FBXW4: variants seen among roughly 807,000 people sequenced by gnomAD.
The protein encoded by FBXW4 is F-box and WD repeat domain containing 4, also known as F-box/WD repeat-containing protein 4.
A neutral mutation model predicts 61.8 loss-of-function variants in FBXW4; 40 were observed. That is an observed-to-expected ratio of 0.65 (90% CI 0.50 to 0.84). The LOEUF is 0.84. FBXW4 is among the 40% of genes least tolerant of loss of function. The pLI, the probability that FBXW4 is intolerant of heterozygous loss-of-function variation, is 0.00. For synonymous variants in FBXW4, 311 were observed against 313.8 expected, an observed-to-expected ratio of 0.99 and a Z score of 0.10; for missense variants, 672 against 753.8, an observed-to-expected ratio of 0.89 and a Z score of 1.27.
intron 6 of FBXW4, 88 bp from the exon 7 acceptor site, chr10:101,612,565 A>C: frequency 7.5e-7 from 1 of 1,341,384 alleles, no homozygotes; most frequent in Non-Finnish European, 9.8e-7. Context: ...CCTTGGGGAA[A>C]TGTTCTCTTT....
In FBXW4 at chr10:101,634,342, T is replaced by C. The variant is rs1270170569; in HGVS notation, c.1236-9532A>G. ...ATTCCCAGATGTGAAATCCTGATTA[T>C]AAAACTGTCAGTTCTCCCCCAATTA... is the stretch of plus-strand genomic sequence containing the variant. On this transcript the variant is annotated intron_variant, in intron 5 of 8. Transcript: ENST00000331272. Among the ~76,000 whole-genome samples, 5 of 149,398 alleles carry C rather than the reference T, an allele frequency of 3.3e-5. 1 individual carries two copies. Among genetic ancestry groups the C allele is most frequent in the African/African-American group, 7.5e-5 (3 of 40,026 alleles).
At position 101,653,294 on chromosome 10, in the gene FBXW4, G is replaced by T. The variant is rs113435727; in HGVS notation, c.1235+14592C>A. 2.6e-3 allele frequency among the ~76,000 whole-genome samples: 395 copies of T among 152,278 alleles called. 1 individual carries two copies. Among genetic ancestry groups the T allele is most frequent in the Admixed American group, 5.1e-3 (78 of 15,300 alleles). On this transcript the variant is annotated intron_variant, in intron 5 of 8. Coordinates refer to ENST00000331272, the MANE Select transcript of FBXW4 (RefSeq NM_022039.4). ...GAACAGCCTGTCTCTCTCCTCCAAA[G>T]AATCCTATATGCTGTAGCACAACAT...
At chr10:101,659,787 G>A (rs1043929493) in intron 5 of FBXW4, among the ~76,000 whole-genome samples, 1 of 152,122 alleles carries the variant, frequency 6.6e-6, no homozygotes, top group African/African-American at 2.4e-5. Flanking sequence ...TAGTATGTAT[G>A]GTATGCATAC....
chr10:101,624,620 G>A (rs538666070), intron 6 of FBXW4, 125 bp downstream of exon 6: 1 of 934,504 alleles, frequency 1.1e-6, no homozygotes, highest in Admixed American at 1.8e-5. Flanking sequence ...CACAGCAGAG[G>A]CCTCCTACTA....
chr10:101,691,710 T>C (rs1564929455), intron 1 of FBXW4, among the ~76,000 whole-genome samples: 1 of 152,198 alleles, frequency 6.6e-6, no homozygotes, highest in Non-Finnish European at 1.5e-5. Context: ...TTGCCTTAGC[T>C]AGCTTGGGTT....
intron 1 of FBXW4, among the ~76,000 whole-genome samples, chr10:101,679,820 T>G (rs1564925332): frequency 6.6e-6 from 1 of 152,178 alleles, no homozygotes; most frequent in Non-Finnish European, 1.5e-5. Context: ...GTCTGGACTT[T>G]TAGTATGCCA....
At chr10:101,666,337 G>T (rs1242449643) in intron 5 of FBXW4, among the ~76,000 whole-genome samples, 1 of 152,134 alleles carries the variant, frequency 6.6e-6, no homozygotes, top group African/African-American at 2.4e-5. Context: ...ATTCTCCGGG[G>T]TCAGCAATGT....
Position 101,612,403 on chromosome 10 carries a change from G to C in FBXW4, c.1376C>G (p.Pro459Arg), listed in dbSNP as rs572819854. 1.6e-5 allele frequency: 25 copies of C among 1,600,970 alleles called. No individual in the cohort carries two copies. The highest frequency in any genetic ancestry group is 8.5e-7 in the Non-Finnish European group (1 of 1,173,472). ...ATAGCCACAGGACAGCAGTGTGAAA[G>C]GGGACTCATACATGACATCCAGCAC... Reference protein sequence around the residue: ...AGVLDVMYESPFTLLSCGYDT... With the variant: ...AGVLDVMYESRFTLLSCGYDT... Residue 459 changes from proline (P) to arginine (R), a missense_variant, in exon 7 of 9, where the codon CCT becomes CGT. Physicochemically the swap from Pro to Arg is moderately radical, Grantham distance 103 (BLOSUM62 -2). This residue lies in a region of FBXW4 where 312 missense variants were observed against 370.1 expected (regional missense o/e 0.84). Coordinates refer to ENST00000331272, the MANE Select transcript of FBXW4 (RefSeq NM_022039.4).
chr10:101,672,759 C>T (rs1182591571), intron 4 of FBXW4, among the ~76,000 whole-genome samples, 156 bp downstream of exon 4: 3 of 152,262 alleles, frequency 2.0e-5, no homozygotes, highest in Admixed American at 1.3e-4. Context: ...GCATGGCAAG[C>T]TGCATGCCAG....
At chr10:101,623,726 T>C (rs2063885546) in intron 6 of FBXW4, among the ~76,000 whole-genome samples, 1 of 152,196 alleles carries the variant, frequency 6.6e-6, no homozygotes, top group South Asian at 2.1e-4. Context: ...ATCCATACCA[T>C]GGAATACTAC....
intron 2 of FBXW4, among the ~76,000 whole-genome samples, chr10:101,675,292 G>A (rs2134897755): frequency 6.6e-6 from 1 of 152,238 alleles, no homozygotes; most frequent in Middle Eastern, 3.4e-3. Flanking sequence ...CAGAGAGGGT[G>A]GGAATTTTTG....
Position 101,676,410 on chromosome 10 carries a change from C to T in FBXW4, c.752G>A (p.Arg251Gln), listed in dbSNP as rs755522422. The change falls in exon 2 of 9, where the codon CGA (arginine) becomes CAA (glutamine). Residue 251 changes from arginine to glutamine, a missense_variant. Coordinates refer to ENST00000331272, the MANE Select transcript of FBXW4 (RefSeq NM_022039.4). ...TCTCCAGTTCTGAGACACCTTCACT[C>T]GTTCCTTCACTGGGACACTGGTCAT... ...DLMTSVPVKERVKVSQNWRLG... is the reference protein window; with the variant it reads ...DLMTSVPVKEQVKVSQNWRLG... 2.9e-5 allele frequency: 47 copies of T among 1,613,468 alleles called. No individual in the cohort carries two copies. Among genetic ancestry groups the T allele is most frequent in the Middle Eastern group, 1.6e-4 (1 of 6,084 alleles).
intron 1 of FBXW4, among the ~76,000 whole-genome samples, chr10:101,683,417 A>T (rs781216538): frequency 1.3e-5 from 2 of 152,190 alleles, no homozygotes; most frequent in African/African-American, 2.4e-5. Flanking sequence ...TCCGGCACTT[A>T]GTAACCATTA....
At chr10:101,667,805 A>G in intron 5 of FBXW4, 81 bp downstream of exon 5, 1 of 1,250,426 alleles carries the variant, frequency 8.0e-7, no homozygotes, top group East Asian at 2.3e-5. Flanking sequence ...CACAACAGGA[A>G]GATTTTCTAG....
chr10:101,655,792 TA>T (rs983400309), intron 5 of FBXW4, among the ~76,000 whole-genome samples: 3 of 152,308 alleles, frequency 2.0e-5, no homozygotes, highest in Middle Eastern at 3.4e-3. Flanking sequence ...CATGATGCCG[TA>T]AGTCTGGGAT....
intron 4 of FBXW4, among the ~76,000 whole-genome samples, chr10:101,669,152 G>A: frequency 6.6e-6 from 1 of 152,112 alleles, no homozygotes; most frequent in East Asian, 1.9e-4. Flanking sequence ...GATTGTGTGA[G>A]TTACTTTTCC....
Position 101,633,428 on chromosome 10 carries a change from C to T in FBXW4, c.1236-8618G>A, listed in dbSNP as rs754948263. Among the ~76,000 whole-genome samples the T allele has an allele frequency of 2.8e-4, 43 of 152,082 alleles. 1 individual carries two copies. The highest frequency in any genetic ancestry group is 5.3e-4 in the Non-Finnish European group (36 of 68,022). On this transcript the variant is annotated intron_variant, in intron 5 of 8. Transcript: ENST00000331272. ...CACATGGACACAGGGAGGGGAACATCACACACCAGGGCCTGTTAGGGGGTA... is the reference window on the plus strand; with the variant it reads ...CACATGGACACAGGGAGGGGAACATTACACACCAGGGCCTGTTAGGGGGTA...
chr10:101,629,131 G>A (rs2063930426), intron 5 of FBXW4, among the ~76,000 whole-genome samples: 1 of 152,256 alleles, frequency 6.6e-6, no homozygotes, highest in Non-Finnish European at 1.5e-5. Context: ...CGGACAGCCT[G>A]AAAGGCAGGT....
chr10:101,672,496 T>C (rs903418233), intron 4 of FBXW4, among the ~76,000 whole-genome samples: 2 of 152,222 alleles, frequency 1.3e-5, no homozygotes, highest in Non-Finnish European at 2.9e-5. Context: ...CACATTTTAA[T>C]TATCAGCCTG....
Sources: allele counts gnomAD v4.1 joint callset (sites outside exome capture counted in the v4.1 genomes callset), GRCh38; gene constraint gnomAD v4.1.1; regional missense constraint gnomAD v4.1.1; transcripts MANE v1.5; gene names NCBI Gene and HGNC (gene_info 2026-07-23, HGNC 2026-07-21).